The following SDK1 variants were observed in gnomAD, a reference collection of about 807,000 sequenced individuals.
SDK1 encodes sidekick cell adhesion molecule 1.
A neutral mutation model predicts 245.5 loss-of-function variants in SDK1; 157 were observed. The observed-to-expected ratio is 0.64, with a 90% confidence interval of 0.56 to 0.73. The LOEUF (loss-of-function observed/expected upper bound fraction) is 0.73. Among genes scored for constraint, SDK1 ranks in the 30% least tolerant of loss-of-function variants. SDK1 has a pLI of 0.00. For synonymous variants in SDK1, 1,647 were observed against 1,278.5 expected, an observed-to-expected ratio of 1.29 and a Z score of -6.15; for missense variants, 3,583 against 3,002.3, an observed-to-expected ratio of 1.19 and a Z score of -4.52.
At chr7:4,210,811 A>G (rs548758386) in intron 38 of SDK1, among the ~76,000 whole-genome samples, 1 of 152,350 alleles carries the variant, frequency 6.6e-6, no homozygotes, top group South Asian at 2.1e-4. Flanking sequence ...GGCAGAGGTA[A>G]CACACAGGTA....
intron 5 of SDK1, among the ~76,000 whole-genome samples, chr7:3,908,432 G>A (rs1392910369): frequency 2.0e-5 from 3 of 152,124 alleles, no homozygotes; most frequent in African/African-American, 4.8e-5. Context: ...ATACACGGCT[G>A]GCCAGATGCT....
intron 2 of SDK1, among the ~76,000 whole-genome samples, chr7:3,626,195 C>G (rs1032133499): frequency 2.0e-5 from 3 of 152,008 alleles, no homozygotes; most frequent in Non-Finnish European, 4.4e-5. Flanking sequence ...CTGCCTTGGT[C>G]TCCCAAAGTG....
chr7:3,866,181 C>T (rs1780817019), intron 5 of SDK1, among the ~76,000 whole-genome samples: 1 of 152,194 alleles, frequency 6.6e-6, no homozygotes, highest in African/African-American at 2.4e-5. Context: ...CATATTGAGC[C>T]TTACTTTGGT....
At chr7:3,992,028 G>A (rs1032181478) in intron 14 of SDK1, among the ~76,000 whole-genome samples, 5 of 152,210 alleles carry the variant, frequency 3.3e-5, no homozygotes, top group East Asian at 1.9e-4. Context: ...ACTAAATAGC[G>A]CCATCTACTA....
chr7:3,810,009 C>G (rs1473598117), intron 4 of SDK1, among the ~76,000 whole-genome samples: 2 of 152,184 alleles, frequency 1.3e-5, no homozygotes, highest in Non-Finnish European at 2.9e-5. Context: ...ATTCTTGTAT[C>G]TGCTGTGTCT....
chr7:3,824,916 A>T (rs569097765), intron 5 of SDK1, among the ~76,000 whole-genome samples: 1 of 152,270 alleles, frequency 6.6e-6, no homozygotes, highest in East Asian at 1.9e-4. Context: ...AAGAAGATAA[A>T]TTCCAGCATG....
chr7:3,967,584 T>C lies in SDK1; in HGVS notation c.1546+150T>C. 4.9e-6 allele frequency: 3 copies of C among 608,308 alleles called. No homozygotes were observed. The South Asian group carries it at 6.1e-5, about 12-fold the overall frequency. The allele number at this position is 608,308 out of a possible 1,614,324, so 37.7% of individuals were successfully genotyped here. A position where few individuals can be genotyped will look rare whatever the true frequency, so the allele number is the denominator to read the frequency against. On this transcript the variant is annotated intron_variant, in intron 10 of 44. Coordinates refer to ENST00000404826, the MANE Select transcript of SDK1 (RefSeq NM_152744.4). The stretch of plus-strand genomic sequence containing the variant: ...ACTCTTATTGCAGCAGTCCCCAACC[T>C]TTTTGGCACCAGGGACCTGTTTCTT...
At chr7:4,203,539 A>C (rs901507101) in intron 35 of SDK1, among the ~76,000 whole-genome samples, 1 of 152,052 alleles carries the variant, frequency 6.6e-6, no homozygotes, top group African/African-American at 2.4e-5. Context: ...TTTTTAAAAA[A>C]AAAAAGCTTC....
chr7:3,970,154 A>C (rs1782377042), intron 11 of SDK1, among the ~76,000 whole-genome samples: 1 of 152,238 alleles, frequency 6.6e-6, no homozygotes, highest in Non-Finnish European at 1.5e-5. Context: ...TTCAAAAAGC[A>C]AAAGAATGCT....
At chr7:3,707,383 T>C (rs1393013968) in intron 4 of SDK1, among the ~76,000 whole-genome samples, 1 of 152,244 alleles carries the variant, frequency 6.6e-6, no homozygotes, top group Non-Finnish European at 1.5e-5. Flanking sequence ...GTAGTTCATT[T>C]CTCATTTTAT....
At chr7:3,971,648 G>A in intron 12 of SDK1, 80 bp downstream of exon 12, 1 of 1,026,372 alleles carries the variant, frequency 9.7e-7, no homozygotes, top group East Asian at 2.6e-5. Flanking sequence ...TGAGGAGGAA[G>A]AATTGGGGGA....
intron 4 of SDK1, among the ~76,000 whole-genome samples, chr7:3,687,694 C>G (rs1784329660): frequency 6.6e-6 from 1 of 152,094 alleles, no homozygotes; most frequent in South Asian, 2.1e-4. Context: ...GGAGAACAGA[C>G]TAGAAGTCTA....
intron 14 of SDK1, among the ~76,000 whole-genome samples, chr7:4,004,616 C>G (rs1211111791): frequency 2.0e-5 from 3 of 152,138 alleles, no homozygotes; most frequent in Admixed American, 6.5e-5. Context: ...AAATATAGCT[C>G]CAACAACCAG....
chr7:3,675,253 T>A (rs571661237), intron 4 of SDK1, among the ~76,000 whole-genome samples: 1 of 152,340 alleles, frequency 6.6e-6, no homozygotes, highest in South Asian at 2.1e-4. Context: ...CTGTTAGCTT[T>A]CCTTTCAAAA....
At chr7:4,103,426 C>T (rs1782702455) in intron 22 of SDK1, among the ~76,000 whole-genome samples, 1 of 152,198 alleles carries the variant, frequency 6.6e-6, no homozygotes, top group Non-Finnish European at 1.5e-5. Flanking sequence ...ACTAGAGAGC[C>T]AGAGGAGCCC....
At chr7:3,560,429 T>G (rs1779711557) in intron 1 of SDK1, among the ~76,000 whole-genome samples, 2 of 152,112 alleles carry the variant, frequency 1.3e-5, no homozygotes, top group South Asian at 4.1e-4. Flanking sequence ...TGTGTTTTGT[T>G]TTTTTTTAAA....
At chr7:3,798,025 T>C (rs1370975357) in intron 4 of SDK1, among the ~76,000 whole-genome samples, 1 of 152,092 alleles carries the variant, frequency 6.6e-6, no homozygotes, top group Non-Finnish European at 1.5e-5. Flanking sequence ...ATGACCCTAG[T>C]CCATTCATCA....
At chr7:3,572,841 T>C (rs1780159096) in intron 1 of SDK1, among the ~76,000 whole-genome samples, 1 of 152,026 alleles carries the variant, frequency 6.6e-6, no homozygotes, top group Non-Finnish European at 1.5e-5. Context: ...GAGGGTGCTA[T>C]TGAAATGTAT....
At chr7:3,783,186 C>T (rs1229858864) in intron 4 of SDK1, among the ~76,000 whole-genome samples, 9 of 152,272 alleles carry the variant, frequency 5.9e-5, no homozygotes, top group South Asian at 2.1e-4. Context: ...TAAAAATTCT[C>T]GGCAAATTAG....
Sources: gnomAD v4.1 joint callset for allele counts (sites outside exome capture counted in the v4.1 genomes callset) on GRCh38, gnomAD v4.1.1 for gene constraint, MANE v1.5 for transcripts, NCBI Gene and HGNC (gene_info 2026-07-23, HGNC 2026-07-21) for gene names.